GOLGA1: variants seen among roughly 807,000 people sequenced by gnomAD.
GOLGA1 encodes golgin subfamily A member 1.
Under a neutral mutation model 119.7 loss-of-function variants are expected in GOLGA1, and 63 were observed. The ratio of observed to expected loss-of-function variants is 0.53; its 90% confidence interval spans 0.43 to 0.65. The LOEUF is 0.65. Among genes scored for constraint, GOLGA1 ranks in the 30% least tolerant of loss-of-function variants. The probability of loss-of-function intolerance (pLI) is 0.00; values close to 1 mark genes in which losing one functional copy is unlikely to be tolerated. For synonymous variants in GOLGA1, 318 were observed against 333.4 expected (o/e 0.95, Z 0.50); for missense variants, 798 against 912.8 (o/e 0.87, Z 1.62).
At chr9:124,932,942 T>G (rs1830798091) in intron 3 of GOLGA1, among the ~76,000 whole-genome samples, 1 of 152,174 alleles carries the variant, frequency 6.6e-6, no homozygotes, top group African/African-American at 2.4e-5. Flanking sequence ...CGGAGACGAT[T>G]CACCTCCTCA....
chr9:124,897,603 A>T (rs1830008615), intron 15 of GOLGA1, among the ~76,000 whole-genome samples: 1 of 152,228 alleles, frequency 6.6e-6, no homozygotes, highest in South Asian at 2.1e-4. Context: ...GGCCTCTCAA[A>T]GTGCTAGGAT....
At chr9:124,941,410 C>G (rs1588104928), upstream of GOLGA1, among the ~76,000 whole-genome samples, 1 of 152,228 alleles carries the variant, frequency 6.6e-6, no homozygotes, top group South Asian at 2.1e-4. Context: ...CCACAGGCCC[C>G]GCTGTGCTGT....
intron 19 of GOLGA1, among the ~76,000 whole-genome samples, chr9:124,886,668 T>A (rs546585500): frequency 1.6e-4 from 24 of 151,720 alleles, no homozygotes; most frequent in African/African-American, 5.1e-4. Flanking sequence ...TCTCAGTAGA[T>A]GGGACGATTC....
intron 19 of GOLGA1, among the ~76,000 whole-genome samples, chr9:124,887,827 T>A (rs1298826946): frequency 6.6e-6 from 1 of 152,064 alleles, no homozygotes; most frequent in African/African-American, 2.4e-5. Context: ...TTTATAAAGT[T>A]TATAGGACGG....
intron 11 of GOLGA1, among the ~76,000 whole-genome samples, chr9:124,911,225 A>G (rs1830334409): frequency 1.3e-5 from 2 of 152,200 alleles, no homozygotes; most frequent in South Asian, 2.1e-4. Flanking sequence ...GACTTCTAAC[A>G]TAGACTAGGC....
At chr9:124,901,541 T>A (rs994625717) in intron 12 of GOLGA1, among the ~76,000 whole-genome samples, 1 of 107,870 alleles carries the variant, frequency 9.3e-6, no homozygotes, top group African/African-American at 3.6e-5. Flanking sequence ...TTCAAGTGAT[T>A]CTCCTACCTC....
At chr9:124,898,708 AG>A in intron 14 of GOLGA1, 64 bp from the exon 15 acceptor site, 5 of 949,384 alleles carry the variant, frequency 5.3e-6, no homozygotes, top group Non-Finnish European at 8.5e-6. Flanking sequence ...GGGCACAGGG[AG>A]CATGGACCAG....
intron 12 of GOLGA1, among the ~76,000 whole-genome samples, chr9:124,902,927 T>C (rs951570961): frequency 5.9e-5 from 9 of 152,190 alleles, no homozygotes; most frequent in African/African-American, 1.2e-4. Flanking sequence ...GCAAATTTTA[T>C]TGGTGGTAGC....
At chr9:124,916,188 T>C (rs891013966) in intron 10 of GOLGA1, among the ~76,000 whole-genome samples, 1 of 151,336 alleles carries the variant, frequency 6.6e-6, no homozygotes, top group African/African-American at 2.4e-5. Context: ...CATGAAAATA[T>C]TGTGTTAAGT....
chr9:124,896,804 C>T (rs1339223462), intron 15 of GOLGA1, among the ~76,000 whole-genome samples: 1 of 152,106 alleles, frequency 6.6e-6, no homozygotes, highest in African/African-American at 2.4e-5. Context: ...AAATTTTGCA[C>T]ACCTGTAGTC....
intron 11 of GOLGA1, among the ~76,000 whole-genome samples, chr9:124,908,802 G>C (rs530011144): frequency 1.3e-5 from 2 of 152,340 alleles, no homozygotes; most frequent in South Asian, 4.1e-4. Context: ...AAAGTCGTTA[G>C]GGTTCAGGGA....
At position 124,888,325 on chromosome 9, in the gene GOLGA1, A is replaced by G; in HGVS notation, c.1833T>C (p.Val611=). 6.2e-7 allele frequency: 1 copy of G among 1,613,790 alleles called. No individual in the cohort carries two copies. Among genetic ancestry groups the G allele is most frequent in the Non-Finnish European group, 8.5e-7 (1 of 1,179,676 alleles). ...PTAGRTPNGE[V]GAMDLTQLQK... is the part of the protein sequence containing the mutation. ...GTAGCTGTGTGAGATCCATGGCCCC[A>G]ACCTCACCATTTGGTGTTCTTCCTG... The change falls in exon 19 of 23, where the codon GTT becomes GTC. Residue 611 remains valine (V), a synonymous_variant. Transcript: ENST00000373555. This position sits in a 1 kb window ranked among gnomAD's most constrained non-coding sequence, Gnocchi z 4.4.
intron 1 of GOLGA1, chr9:124,947,840 T>C (rs963633582): frequency 6.6e-6 from 1 of 152,214 alleles, no homozygotes; most frequent in African/African-American, 2.4e-5. Flanking sequence ...AGCATTCATA[T>C]TCATATCAAA....
intron 10 of GOLGA1, among the ~76,000 whole-genome samples, chr9:124,920,773 A>C (rs1830550434): frequency 6.6e-6 from 1 of 151,924 alleles, no homozygotes; most frequent in South Asian, 2.1e-4. Context: ...GTCTCTACTA[A>C]AAATACAAAA....
At chr9:124,931,786 G>A (rs2131524403) in intron 3 of GOLGA1, among the ~76,000 whole-genome samples, 1 of 152,246 alleles carries the variant, frequency 6.6e-6, no homozygotes, top group East Asian at 1.9e-4. Flanking sequence ...TCAAAAGCTG[G>A]TCTATGACTA....
chr9:124,932,360 T>C (rs1301444180), intron 3 of GOLGA1, among the ~76,000 whole-genome samples: 1 of 152,210 alleles, frequency 6.6e-6, no homozygotes, highest in Non-Finnish European at 1.5e-5. Flanking sequence ...TTCATCTACA[T>C]GTCCAGCCAC....
intron 4 of GOLGA1, 145 bp from the exon 5 acceptor site, chr9:124,929,435 C>T (rs532764756): frequency 3.0e-6 from 2 of 656,796 alleles, no homozygotes; most frequent in East Asian, 2.7e-5. Context: ...AGACAGCCTC[C>T]CATTAACAAT....
chr9:124,915,219 C>T (rs1465920790), intron 10 of GOLGA1, among the ~76,000 whole-genome samples: 1 of 152,128 alleles, frequency 6.6e-6, no homozygotes, highest in African/African-American at 2.4e-5. Flanking sequence ...TCCAGCTGTA[C>T]GGTCTTGACA....
chr9:124,939,391 G>T (rs1830949108), intron 2 of GOLGA1, among the ~76,000 whole-genome samples: 1 of 152,032 alleles, frequency 6.6e-6, no homozygotes, highest in African/African-American at 2.4e-5. Flanking sequence ...AGGATGGTTT[G>T]CAATCAACTG....
Sources: allele counts gnomAD v4.1 joint callset (sites outside exome capture counted in the v4.1 genomes callset), GRCh38; gene constraint gnomAD v4.1.1; non-coding constraint Gnocchi (gnomAD v3.1); transcripts MANE v1.5; gene names NCBI Gene and HGNC (gene_info 2026-07-23, HGNC 2026-07-21).